CSMD1: variants seen among roughly 807,000 people sequenced by gnomAD.
CSMD1 encodes CUB and sushi domain-containing protein 1.
Under a neutral mutation model 417.5 loss-of-function variants are expected in CSMD1, and 213 were observed. That is an observed-to-expected ratio of 0.51 (90% confidence interval 0.46 to 0.57). CSMD1 has a LOEUF of 0.57. CSMD1 is among the 20% of genes least tolerant of loss of function. The probability of loss-of-function intolerance (pLI) is 0.00; values close to 1 mark genes in which losing one functional copy is unlikely to be tolerated. For missense variants in CSMD1, 6,923 were observed against 4,529.7 expected, an observed-to-expected ratio of 1.53 and a Z score of -15.17; for synonymous variants, 2,862 against 1,736.8, an observed-to-expected ratio of 1.65 and a Z score of -16.11.
chr8:4,273,731 C>G (rs572167892), intron 3 of CSMD1, among the ~76,000 whole-genome samples: 1 of 152,274 alleles, frequency 6.6e-6, no homozygotes, highest in Admixed American at 6.6e-5. Context: ...GCTAGACCAT[C>G]TGGGTCAAAA....
intron 1 of CSMD1, among the ~76,000 whole-genome samples, chr8:4,760,887 A>G (rs77575729): frequency 0.011 from 1,612 of 152,278 alleles, 13 homozygotes; most frequent in East Asian, 0.054. Context: ...GACCTTTTAG[A>G]AAGTGTGCAG....
rs149445884 is a variant in CSMD1, at chr8:3,667,417, G to C, written c.1009+40997C>G. On this transcript the variant is annotated intron_variant, in intron 7 of 69. Transcript: ENST00000635120. ...AAAATTGAGGTGTGTGGAGATCTTG[G>C]GGAAGAGATTTTGGATAGCAGCCAT... Among the ~76,000 whole-genome samples the C allele has an allele frequency of 5.5e-4, 83 of 152,010 alleles. 3 individuals are homozygous for C. The East Asian group carries it at 0.015, about 27-fold the overall frequency.
At chr8:4,772,223 C>G (rs978667211) in intron 1 of CSMD1, among the ~76,000 whole-genome samples, 10 of 152,170 alleles carry the variant, frequency 6.6e-5, no homozygotes, top group African/African-American at 2.4e-4. Context: ...CAGCAGCAGC[C>G]TGGGCTCCTC....
At chr8:4,313,097 A>T (rs950574818) in intron 3 of CSMD1, among the ~76,000 whole-genome samples, 1 of 152,164 alleles carries the variant, frequency 6.6e-6, no homozygotes. Context: ...ATATAGAAAC[A>T]CAACATTCTT....
chr8:3,165,598 AT>A (rs1453171827), intron 37 of CSMD1, among the ~76,000 whole-genome samples: 1 of 151,626 alleles, frequency 6.6e-6, no homozygotes, highest in South Asian at 2.1e-4. Flanking sequence ...CGCCCGGCTA[AT>A]TTTTTTATAT....
chr8:3,470,671 C>A (rs919868476), intron 11 of CSMD1, among the ~76,000 whole-genome samples: 1 of 152,088 alleles, frequency 6.6e-6, no homozygotes, highest in East Asian at 1.9e-4. Context: ...ACACTCATGC[C>A]CCTCTTGCTA....
At chr8:4,593,785 C>T (rs1219750853) in intron 2 of CSMD1, among the ~76,000 whole-genome samples, 1 of 152,094 alleles carries the variant, frequency 6.6e-6, no homozygotes, top group African/African-American at 2.4e-5. Flanking sequence ...GGTTAGCATG[C>T]TTAATAAAGT....
At chr8:4,983,101 A>G (rs1350192905) in intron 1 of CSMD1, among the ~76,000 whole-genome samples, 1 of 152,256 alleles carries the variant, frequency 6.6e-6, no homozygotes, top group Non-Finnish European at 1.5e-5. Context: ...CAGTATACAA[A>G]GAAAAACAGT....
chr8:4,553,612 A>T (rs1286587738), intron 2 of CSMD1, among the ~76,000 whole-genome samples: 2 of 152,196 alleles, frequency 1.3e-5, no homozygotes, highest in East Asian at 3.9e-4. Flanking sequence ...CACTTTAGAA[A>T]CCAGCTTAGC....
chr8:4,566,299 G>C (rs73184938), intron 2 of CSMD1, among the ~76,000 whole-genome samples: 358 of 152,176 alleles, frequency 2.4e-3, no homozygotes, highest in Non-Finnish European at 3.7e-3. Context: ...AATACATTTA[G>C]AAAGGAAAGC....
chr8:3,457,976 C>A (rs939762705), intron 12 of CSMD1, among the ~76,000 whole-genome samples: 1 of 152,154 alleles, frequency 6.6e-6, no homozygotes, highest in Admixed American at 6.5e-5. Context: ...CCTAGAAGTA[C>A]ACCTTGTTAA....
intron 3 of CSMD1, among the ~76,000 whole-genome samples, chr8:4,388,307 C>CAT (rs1803606314): frequency 1.9e-5 from 2 of 106,196 alleles, no homozygotes; most frequent in African/African-American, 9.6e-5. Flanking sequence ...CTGTGATACA[C>CAT]ACACACACAC....
At chr8:3,304,356 C>T (rs939981076) in intron 25 of CSMD1, among the ~76,000 whole-genome samples, 1 of 152,126 alleles carries the variant, frequency 6.6e-6, no homozygotes, top group Middle Eastern at 3.4e-3. Context: ...GACCAGACAC[C>T]ATTTTTTCTG....
intron 23 of CSMD1, among the ~76,000 whole-genome samples, chr8:3,342,858 C>T (rs62504780): frequency 9.5e-6 from 1 of 105,132 alleles, no homozygotes; most frequent in Non-Finnish European, 2.3e-5. Flanking sequence ...TGTGTGTGTG[C>T]TTATACATAT....
intron 5 of CSMD1, among the ~76,000 whole-genome samples, chr8:3,873,409 T>C (rs1328112405): frequency 3.9e-5 from 6 of 152,084 alleles, no homozygotes; most frequent in Non-Finnish European, 7.4e-5. Flanking sequence ...GGCAGGCACA[T>C]GGATGGAACT....
chr8:3,308,671 T>G (rs1301088722), intron 23 of CSMD1, among the ~76,000 whole-genome samples, 168 bp from the exon 24 acceptor site: 1 of 151,946 alleles, frequency 6.6e-6, no homozygotes, highest in Non-Finnish European at 1.5e-5. Flanking sequence ...CTGGGGCTAT[T>G]TGTTACCCAT....
intron 52 of CSMD1, among the ~76,000 whole-genome samples, chr8:3,013,828 C>T (rs191098258): frequency 1.1e-3 from 169 of 152,050 alleles, no homozygotes; most frequent in Non-Finnish European, 1.9e-3. Context: ...AGCAATTCCT[C>T]AAGAGCCCAC....
intron 2 of CSMD1, among the ~76,000 whole-genome samples, chr8:4,435,207 G>C (rs563007116): frequency 1.8e-4 from 27 of 152,172 alleles, no homozygotes; most frequent in Admixed American, 7.2e-4. Context: ...AAGTACATCA[G>C]CCAATCTGAT....
At chr8:3,163,687 C>T (rs147099132) in intron 37 of CSMD1, among the ~76,000 whole-genome samples, 2 of 152,168 alleles carry the variant, frequency 1.3e-5, no homozygotes, top group East Asian at 3.9e-4. Context: ...CCACCAAGCA[C>T]GAGACCCAGT....
Sources: allele counts gnomAD v4.1 joint callset (sites outside exome capture counted in the v4.1 genomes callset), GRCh38; gene constraint gnomAD v4.1.1; transcripts MANE v1.5; gene names NCBI Gene and HGNC (gene_info 2026-07-23, HGNC 2026-07-21).